Variants in AUTS2 observed in about 807,000 individuals in gnomAD.
AUTS2 encodes activator of transcription and developmental regulator AUTS2, also known as autism susceptibility gene 2 protein.
A neutral mutation model predicts 112.4 loss-of-function variants in AUTS2; 17 were observed. The observed-to-expected ratio is 0.15, with a 90% CI of 0.10 to 0.23. The LOEUF is 0.23. AUTS2 is among the 10% of genes least tolerant of loss of function. The probability of loss-of-function intolerance (pLI) is 1.00; values close to 1 mark genes in which losing one functional copy is unlikely to be tolerated. For synonymous variants in AUTS2, 751 were observed against 702.7 expected (o/e 1.07, Z -1.09); for missense variants, 1,510 against 1,701.6 (o/e 0.89, Z 1.98).
chr7:70,039,037 G>A (rs1801132650), intron 2 of AUTS2, among the ~76,000 whole-genome samples: 1 of 151,964 alleles, frequency 6.6e-6, no homozygotes, highest in Non-Finnish European at 1.5e-5. Context: ...GGGATTACAG[G>A]TGTGAGTCAC....
At chr7:70,787,666 T>C (rs1223556320) in intron 18 of AUTS2, among the ~76,000 whole-genome samples, 1 of 152,172 alleles carries the variant, frequency 6.6e-6, no homozygotes, top group Non-Finnish European at 1.5e-5. Context: ...GTCGCAGTTA[T>C]ACATCAGCAC....
chr7:70,041,286 A>C (rs1057341335), intron 2 of AUTS2, among the ~76,000 whole-genome samples: 1 of 152,142 alleles, frequency 6.6e-6, no homozygotes, highest in Non-Finnish European at 1.5e-5. Context: ...AAATATACTA[A>C]TTTTAGTATT....
chr7:70,350,106 A>G (rs1360872073), intron 4 of AUTS2, among the ~76,000 whole-genome samples: 3 of 150,742 alleles, frequency 2.0e-5, no homozygotes, highest in East Asian at 1.9e-4. Flanking sequence ...CAAGAGGACA[A>G]TAGGAGATTT....
intron 4 of AUTS2, among the ~76,000 whole-genome samples, chr7:70,418,899 T>A (rs1393925796): frequency 6.6e-6 from 1 of 152,084 alleles, no homozygotes; most frequent in African/African-American, 2.4e-5. Flanking sequence ...TTTAAAGTAA[T>A]ATTGTATATA....
chr7:69,645,471 G>A (rs1335244487), intron 1 of AUTS2, among the ~76,000 whole-genome samples: 1 of 152,170 alleles, frequency 6.6e-6, no homozygotes, highest in Non-Finnish European at 1.5e-5. Flanking sequence ...ATGATGTATA[G>A]TCAGGTAGAG....
intron 1 of AUTS2, among the ~76,000 whole-genome samples, chr7:69,807,641 A>T (rs1208185888): frequency 1.3e-5 from 2 of 152,080 alleles, no homozygotes; most frequent in Non-Finnish European, 2.9e-5. Flanking sequence ...TTTAATGTTT[A>T]GTTTCCTGGA....
chr7:70,311,238 A>G (rs1347684472), intron 4 of AUTS2, among the ~76,000 whole-genome samples: 1 of 152,146 alleles, frequency 6.6e-6, no homozygotes, highest in East Asian at 1.9e-4. Context: ...TGATGTGAGG[A>G]TGTGATGAAA....
intron 2 of AUTS2, among the ~76,000 whole-genome samples, chr7:70,037,139 A>T: frequency 6.6e-6 from 1 of 152,220 alleles, no homozygotes; most frequent in Admixed American, 6.5e-5. Flanking sequence ...AATAAGTCAG[A>T]CATGAAAAAA....
At chr7:69,896,247 A>G (rs140166153) in intron 1 of AUTS2, among the ~76,000 whole-genome samples, 3 of 152,346 alleles carry the variant, frequency 2.0e-5, no homozygotes, top group Non-Finnish European at 4.4e-5. Flanking sequence ...TGTGTTAGGC[A>G]TAGCATGCAA....
At chr7:70,787,116 G>T in intron 17 of AUTS2, 93 bp from the exon 18 acceptor site, 2 of 1,122,326 alleles carry the variant, frequency 1.8e-6, no homozygotes, top group South Asian at 1.3e-5. Flanking sequence ...TTTTAACTCT[G>T]AATGCTGTTA....
At chr7:70,370,925 G>C (rs1048789883) in intron 4 of AUTS2, among the ~76,000 whole-genome samples, 2 of 151,946 alleles carry the variant, frequency 1.3e-5, no homozygotes, top group Non-Finnish European at 1.5e-5. Flanking sequence ...ATGATCAGAA[G>C]TTGTATTTTC....
At chr7:69,624,563 C>T (rs907900136) in intron 1 of AUTS2, among the ~76,000 whole-genome samples, 1 of 152,248 alleles carries the variant, frequency 6.6e-6, no homozygotes, top group Non-Finnish European at 1.5e-5. Context: ...AAACCCTGCA[C>T]TTAAGCTGTG....
intron 2 of AUTS2, among the ~76,000 whole-genome samples, chr7:70,088,527 CTTT>C (rs34484649): frequency 3.6e-5 from 5 of 139,448 alleles, no homozygotes; most frequent in Non-Finnish European, 4.7e-5. Context: ...CTTTTGCTCT[CTTT>C]TTTTTTTTTT....
chr7:70,722,009 A>T (rs764493764), intron 6 of AUTS2, among the ~76,000 whole-genome samples: 1 of 152,012 alleles, frequency 6.6e-6, no homozygotes, highest in Non-Finnish European at 1.5e-5. Context: ...TTGTTTCCAA[A>T]GTGTGCTTTT....
chr7:70,712,997 T>C (rs1465501087), intron 6 of AUTS2, among the ~76,000 whole-genome samples: 2 of 152,226 alleles, frequency 1.3e-5, no homozygotes, highest in African/African-American at 2.4e-5. Context: ...TTCCACTCTC[T>C]ATAGCCTTGT....
rs987696689 is a variant in AUTS2, at chr7:69,795,594, T to C, written c.310-103692T>C. ...AGCAGTTAGGAGGCCATCTTAATAG[T>C]CCAAGGCACAATAAGGCAAGGAAAT... is the stretch of plus-strand genomic sequence containing the variant. On this transcript the variant is annotated intron_variant, in intron 1 of 18. Coordinates refer to ENST00000342771, the MANE Select transcript of AUTS2 (RefSeq NM_015570.4). Among the ~76,000 whole-genome samples, 50 of 152,118 alleles carry C rather than the reference T, an allele frequency of 3.3e-4. 1 individual carries two copies. The highest frequency in any genetic ancestry group is 1.6e-3 in the Admixed American group (24 of 15,270).
rs114377918 is a variant in AUTS2, at chr7:70,604,603, A to G, written c.691-93966A>G. ...TAAGGATTTGGCTGTTCCCCAGTAT[A>G]GAATTAGAGAACGTCAGAGCTTGAA... On this transcript the variant is annotated intron_variant, in intron 5 of 18. Transcript: ENST00000342771. Among the ~76,000 whole-genome samples the G allele has an allele frequency of 9.1e-3, 1,394 of 152,362 alleles. 22 individuals carry two copies. Among genetic ancestry groups the G allele is most frequent in the African/African-American group, 0.032 (1,351 of 41,588 alleles).
intron 4 of AUTS2, among the ~76,000 whole-genome samples, chr7:70,151,576 C>G (rs568928878): frequency 1.4e-4 from 21 of 152,204 alleles, no homozygotes; most frequent in Admixed American, 6.5e-4. Flanking sequence ...TGGGTTCAAG[C>G]GATTCTCCTG....
chr7:70,654,946 G>A (rs751440101), intron 5 of AUTS2, among the ~76,000 whole-genome samples: 1 of 152,242 alleles, frequency 6.6e-6, no homozygotes, highest in Admixed American at 6.5e-5. Context: ...AGGCCAAGAA[G>A]TGCAACTATG....
Sources: gnomAD v4.1 joint callset for allele counts (sites outside exome capture counted in the v4.1 genomes callset) on GRCh38, gnomAD v4.1.1 for gene constraint, MANE v1.5 for transcripts, NCBI Gene and HGNC (gene_info 2026-07-23, HGNC 2026-07-21) for gene names.